Variants in SLC25A36 observed in about 807,000 individuals in gnomAD.
The protein encoded by SLC25A36 is solute carrier family 25 member 36, also known as epididymis secretory sperm binding protein.
SLC25A36 carries 24 observed loss-of-function variants against 35.3 expected under a neutral mutation model. The observed-to-expected ratio is 0.68, with a 90% CI of 0.49 to 0.96. The LOEUF (loss-of-function observed/expected upper bound fraction) is 0.96, where lower values mean the gene tolerates loss of function less well. Ranked by LOEUF, SLC25A36 falls within the 40% of genes least tolerant of loss-of-function variation. The probability of loss-of-function intolerance (pLI) is 0.00; values close to 1 mark genes in which losing one functional copy is unlikely to be tolerated. For missense variants in SLC25A36, 294 were observed against 381.1 expected, an observed-to-expected ratio of 0.77 and a Z score of 1.90; for synonymous variants, 141 against 132.2, an observed-to-expected ratio of 1.07 and a Z score of -0.46.
chr3:140,960,457 A>G (rs1235815471), intron 3 of SLC25A36, among the ~76,000 whole-genome samples: 1 of 152,198 alleles, frequency 6.6e-6, no homozygotes, highest in Non-Finnish European at 1.5e-5. Context: ...CACTTTCCAC[A>G]TAGAAATTAA....
intron 1 of SLC25A36, among the ~76,000 whole-genome samples, chr3:140,948,778 TTCCAG>T (rs1934237467): frequency 6.6e-6 from 1 of 152,220 alleles, no homozygotes; most frequent in Non-Finnish European, 1.5e-5. Context: ...CTTGGATTTT[TTCCAG>T]TCCTTTTAAA....
intron 4 of SLC25A36, chr3:140,966,952 TCCC>T: frequency 2.2e-6 from 1 of 456,336 alleles, no homozygotes; most frequent in Non-Finnish European, 4.4e-6. Flanking sequence ...TGTACATTTC[TCCC>T]GAGAAAAGAG....
chr3:140,961,565 G>A (rs1934626200), intron 3 of SLC25A36, among the ~76,000 whole-genome samples: 1 of 152,014 alleles, frequency 6.6e-6, no homozygotes, highest in Non-Finnish European at 1.5e-5. Context: ...TTTAAGACTA[G>A]TGAATATTGA....
At chr3:140,964,166 A>T (rs1051953536) in intron 4 of SLC25A36, 2 of 152,010 alleles carry the variant, frequency 1.3e-5, no homozygotes, top group African/African-American at 4.8e-5. Context: ...CTTTTGGTTT[A>T]GAAATAAAGT....
rs187322680 is a variant in SLC25A36, at chr3:140,951,858, G to A, written c.42-4669G>A. Among the ~76,000 whole-genome samples the A allele has an allele frequency of 2.7e-3, 409 of 152,042 alleles. 1 individual carries two copies. Among genetic ancestry groups the A allele is most frequent in the African/African-American group, 7.9e-3 (326 of 41,468 alleles). On this transcript the variant is annotated intron_variant, in intron 1 of 6. Coordinates refer to ENST00000324194, the MANE Select transcript of SLC25A36 (RefSeq NM_001104647.3). ...TTGTTGTTGTCATTGTTTTGAGACA[G>A]GGTCTCACTCTTTGGCCTAGGCTGG...
chr3:140,968,959 C>T lies in SLC25A36; in HGVS notation c.386-1968C>T, dbSNP rs1024232481. Reference sequence around the variant, plus strand: ...TTTCTATAAAATGATTAATAAAAATCATTATAGTGATGCAGAATATTTTGT... The same window carrying T: ...TTTCTATAAAATGATTAATAAAAATTATTATAGTGATGCAGAATATTTTGT... On this transcript the variant is annotated intron_variant, in intron 4 of 6. Transcript: ENST00000324194. Among the ~76,000 whole-genome samples the T allele has an allele frequency of 2.0e-5, 3 of 151,664 alleles. No homozygotes were observed. In the East Asian group the frequency reaches 5.8e-4, roughly 29 times the overall value.
chr3:140,967,029 T>A (rs2107807243), intron 4 of SLC25A36: 1 of 456,318 alleles, frequency 2.2e-6, no homozygotes, highest in East Asian at 7.0e-5. Flanking sequence ...TGGACTAACT[T>A]AAACCTCGTG....
intron 1 of SLC25A36, among the ~76,000 whole-genome samples, chr3:140,943,850 GATC>G (rs1465038565): frequency 5.9e-5 from 9 of 152,144 alleles, no homozygotes; most frequent in African/African-American, 1.7e-4. Context: ...TTTGGATTAG[GATC>G]ATCATTTTGT....
intron 2 of SLC25A36, among the ~76,000 whole-genome samples, chr3:140,957,860 T>A (rs1425347644): frequency 6.6e-6 from 1 of 152,182 alleles, no homozygotes; most frequent in Non-Finnish European, 1.5e-5. Context: ...AAATTCTTCT[T>A]TTGACCTCTG....
chr3:140,957,653 A>G (rs917636995), intron 2 of SLC25A36, among the ~76,000 whole-genome samples: 3 of 152,164 alleles, frequency 2.0e-5, no homozygotes, highest in Non-Finnish European at 2.9e-5. Context: ...AGGCAGGAGA[A>G]TCACTTGAAC....
intron 5 of SLC25A36, among the ~76,000 whole-genome samples, chr3:140,971,482 T>A (rs1934900428): frequency 6.6e-6 from 1 of 152,204 alleles, no homozygotes; most frequent in Non-Finnish European, 1.5e-5. Flanking sequence ...ATAGCAAGAT[T>A]CATTCATTCA....
At chr3:140,974,045 CCCCA>C in intron 6 of SLC25A36, 40 bp downstream of exon 6, 1 of 1,347,254 alleles carries the variant, frequency 7.4e-7, no homozygotes, top group Non-Finnish European at 1.0e-6. Context: ...TATTTTCCCA[CCCCA>C]GCCAACAGCT....
At position 140,977,409 on chromosome 3, in the gene SLC25A36, A is replaced by G. The variant is rs1935075608; in HGVS notation, c.*956A>G. On this transcript the variant is annotated 3_prime_UTR_variant, in exon 7 of 7. Transcript: ENST00000324194. ...ATTACATTTATTTTGTAAAGAAAAT[A>G]GTAATTTAAAGTTTTGCCATTTTAA... 1 of 152,236 alleles carries G rather than the reference A, an allele frequency of 6.6e-6. No individual in the cohort carries two copies. Among genetic ancestry groups the G allele is most frequent in the Non-Finnish European group, 1.5e-5 (1 of 68,042 alleles). 9.4% of individuals were successfully genotyped at this position (152,236 alleles called of 1,614,324 possible).
chr3:140,945,963 G>T (rs949242418), intron 1 of SLC25A36, among the ~76,000 whole-genome samples: 1 of 152,170 alleles, frequency 6.6e-6, no homozygotes, highest in African/African-American at 2.4e-5. Flanking sequence ...GGGTAAAAAA[G>T]TCATTCAGAT....
chr3:140,951,046 G>A (rs1043448226), intron 1 of SLC25A36, among the ~76,000 whole-genome samples: 4 of 152,040 alleles, frequency 2.6e-5, no homozygotes, highest in African/African-American at 4.8e-5. Context: ...AATACTTGGT[G>A]CCCTAATCAT....
chr3:140,979,452 G>A lies in SLC25A36; in HGVS notation c.*2999G>A, dbSNP rs908057574. 6.6e-6 allele frequency: 1 copy of A among 152,180 alleles called. No homozygotes were observed. The highest frequency in any genetic ancestry group is 3.4e-3 in the Middle Eastern group (1 of 294). 9.4% of individuals were successfully genotyped at this position (152,180 alleles called of 1,614,324 possible). ...TTCTGCCCAGACTGTTAGTAATCTA[G>A]GGACCCCCTTTGGAGCTGATAAGTA... On this transcript the variant is annotated 3_prime_UTR_variant, in exon 7 of 7. Coordinates refer to ENST00000324194, the MANE Select transcript of SLC25A36 (RefSeq NM_001104647.3).
chr3:140,966,829 A>C (rs568801030), intron 4 of SLC25A36: 14 of 416,124 alleles, frequency 3.4e-5, no homozygotes, highest in South Asian at 2.2e-4. Flanking sequence ...TAGATCTCAC[A>C]GTAAATATTT....
intron 2 of SLC25A36, among the ~76,000 whole-genome samples, chr3:140,958,127 A>G (rs538488133): frequency 6.6e-6 from 1 of 152,308 alleles, no homozygotes; most frequent in South Asian, 2.1e-4. Flanking sequence ...TGGGCTTCAT[A>G]TCTGAGAAGT....
chr3:140,969,885 G>C (rs565963720), intron 4 of SLC25A36, among the ~76,000 whole-genome samples: 1 of 151,932 alleles, frequency 6.6e-6, no homozygotes, highest in South Asian at 2.1e-4. Flanking sequence ...GTATTTGATA[G>C]AAATATTAAA....
Sources: gnomAD v4.1 joint callset for allele counts (sites outside exome capture counted in the v4.1 genomes callset) on GRCh38, gnomAD v4.1.1 for gene constraint, MANE v1.5 for transcripts, NCBI Gene and HGNC (gene_info 2026-07-23, HGNC 2026-07-21) for gene names.